The following ZNF324B variants were observed in gnomAD, a reference collection of about 807,000 sequenced individuals.
The protein encoded by ZNF324B is zinc finger protein 324B.
Under a neutral mutation model 10.6 loss-of-function variants are expected in ZNF324B, and 7 were observed. That is an observed-to-expected ratio of 0.66 (90% confidence interval 0.38 to 1.24). The LOEUF is 1.24. Ranked by LOEUF, ZNF324B falls within the 50% of genes most tolerant of loss-of-function variation. The pLI is 0.02. For missense variants in ZNF324B, 640 were observed against 764.7 expected (o/e 0.84, Z 1.92); for synonymous variants, 316 against 321.0 (o/e 0.98, Z 0.17).
chr19:58,424,053 C>CA, the ZNF324B span, among the ~76,000 whole-genome samples: 31,338 of 150,666 alleles, frequency 0.21, 3,651 homozygotes, highest in Non-Finnish European at 0.27. Context: ...CAGCTTGACT[C>CA]ACATGGTGAA....
chr19:58,432,997 G>A, the ZNF324B span: 2 of 207,168 alleles, frequency 9.7e-6, no homozygotes, highest in South Asian at 1.1e-4. Flanking sequence ...CCCTCAACCA[G>A]CATCGGTTCA....
upstream of ZNF324B, among the ~76,000 whole-genome samples, chr19:58,446,837 A>C (rs1391327109): frequency 6.6e-6 from 1 of 151,798 alleles, no homozygotes; most frequent in Admixed American, 6.6e-5. Context: ...GGCCTCCCAA[A>C]GTGCTGGGAT....
the ZNF324B span, among the ~76,000 whole-genome samples, chr19:58,427,452 C>CCTT: frequency 0.043 from 2,004 of 46,726 alleles, 90 homozygotes; most frequent in Non-Finnish European, 0.048. Context: ...CCTTTCCTTT[C>CCTT]CCTTCCTTCC....
At chr19:58,437,112 T>A in the ZNF324B span, 1 of 1,614,022 alleles carries the variant, frequency 6.2e-7, no homozygotes, top group African/African-American at 1.3e-5. Flanking sequence ...CTGGGCTGCA[T>A]CAAGGAGCTC....
chr19:58,439,460 T>C, the ZNF324B span, among the ~76,000 whole-genome samples: 1 of 152,172 alleles, frequency 6.6e-6, no homozygotes, highest in African/African-American at 2.4e-5. Context: ...AGACCGGCAG[T>C]CCCCAGAATG....
At chr19:58,434,762 C>T in the ZNF324B span, 1 of 1,614,236 alleles carries the variant, frequency 6.2e-7, no homozygotes, top group Non-Finnish European at 8.5e-7. Flanking sequence ...GTACAGACTT[C>T]TGGAAGCTGC....
the ZNF324B span, chr19:58,433,828 C>T: frequency 6.2e-7 from 1 of 1,614,060 alleles, no homozygotes; most frequent in African/African-American, 1.3e-5. Context: ...AGGCTTTTCT[C>T]CAGTGTGAAT....
At chr19:58,449,322 T>A (rs911348245), upstream of ZNF324B, among the ~76,000 whole-genome samples, 1 of 152,212 alleles carries the variant, frequency 6.6e-6, no homozygotes, top group Non-Finnish European at 1.5e-5. Flanking sequence ...AGGGCCCTCA[T>A]GGAGAACCTC....
chr19:58,441,623 A>G, the ZNF324B span: 2 of 152,200 alleles, frequency 1.3e-5, no homozygotes, highest in East Asian at 3.9e-4. Flanking sequence ...TTGTCTGGAG[A>G]CCTGTGAGTG....
chr19:58,435,354 A>G, the ZNF324B span: 13 of 903,448 alleles, frequency 1.4e-5, no homozygotes, highest in Non-Finnish European at 2.1e-5. Flanking sequence ...ATCAGGGTGA[A>G]GAAGGGCCCA....
chr19:58,420,856 G>A, the ZNF324B span, among the ~76,000 whole-genome samples: 1 of 151,082 alleles, frequency 6.6e-6, no homozygotes, highest in African/African-American at 2.4e-5. Context: ...TATAGGCATC[G>A]GCCAGCATGC....
the ZNF324B span, chr19:58,418,407 C>T: frequency 6.6e-6 from 1 of 152,438 alleles, no homozygotes; most frequent in Non-Finnish European, 1.5e-5. Context: ...TAGCTCACCA[C>T]AGCCTTGAAC....
chr19:58,420,794 G>T, the ZNF324B span, among the ~76,000 whole-genome samples: 1 of 151,316 alleles, frequency 6.6e-6, no homozygotes, highest in East Asian at 1.9e-4. Context: ...TGCAACCTCC[G>T]CCTCCCAGGG....
At chr19:58,427,912 G>A in the ZNF324B span, among the ~76,000 whole-genome samples, 1 of 152,076 alleles carries the variant, frequency 6.6e-6, no homozygotes, top group Non-Finnish European at 1.5e-5. Flanking sequence ...GCCCCATATG[G>A]CTCAGCTAAC....
the ZNF324B span, chr19:58,430,249 A>T: frequency 2.0e-5 from 3 of 152,246 alleles, no homozygotes; most frequent in Non-Finnish European, 2.9e-5. Flanking sequence ...TCCCTAGTCA[A>T]GCCTTCAGAT....
chr19:58,427,978 A>T, the ZNF324B span, among the ~76,000 whole-genome samples: 2 of 152,126 alleles, frequency 1.3e-5, no homozygotes, highest in African/African-American at 2.4e-5. Context: ...CATCTTCCAT[A>T]TTGGAGACAT....
chr19:58,434,790 C>A, the ZNF324B span: 1 of 1,614,222 alleles, frequency 6.2e-7, no homozygotes, highest in Non-Finnish European at 8.5e-7. Flanking sequence ...TGGAATATGG[C>A]TTCTGCCCAC....
the ZNF324B span, chr19:58,442,112 G>C: frequency 6.6e-6 from 1 of 150,974 alleles, no homozygotes; most frequent in Non-Finnish European, 1.5e-5. Context: ...TCTTGGTCTC[G>C]CTGACTTCAA....
Position 58,456,601 on chromosome 19 carries a change from C to A in ZNF324B, c.*22C>A, listed in dbSNP as rs747547426. On this transcript the variant is annotated 3_prime_UTR_variant, in exon 4 of 4. Coordinates refer to ENST00000336614, the MANE Select transcript of ZNF324B (RefSeq NM_207395.3). This position sits in a 1 kb window ranked among gnomAD's most constrained non-coding sequence, Gnocchi z 4.7. ...CTGAGGTCACAGGTCGCAGCCCAACCCTTTCTTGGCCTTCTGTGAATCCCT... is the reference window on the plus strand; with the variant it reads ...CTGAGGTCACAGGTCGCAGCCCAACACTTTCTTGGCCTTCTGTGAATCCCT... 6.3e-7 allele frequency: 1 copy of A among 1,599,796 alleles called. No individual in the cohort carries two copies.
Sources: gnomAD v4.1 joint callset for allele counts (sites outside exome capture counted in the v4.1 genomes callset) on GRCh38, gnomAD v4.1.1 for gene constraint, Gnocchi (gnomAD v3.1) non-coding constraint, MANE v1.5 for transcripts, NCBI Gene and HGNC (gene_info 2026-07-23, HGNC 2026-07-21) for gene names.